The following LINS1 variants were observed in gnomAD, a reference collection of about 807,000 sequenced individuals.
LINS1 encodes protein Lines homolog 1.
LINS1 carries 27 observed loss-of-function variants against 41.6 expected under a neutral mutation model. The observed-to-expected ratio is 0.65, with a 90% CI of 0.48 to 0.89. The LOEUF is 0.89. LINS1 is among the 40% of genes least tolerant of loss of function. LINS1 has a pLI of 0.00. For missense variants in LINS1, 955 were observed against 884.1 expected (o/e 1.08, Z -1.02); for synonymous variants, 336 against 312.9 (o/e 1.07, Z -0.78).
intron 1 of LINS1, among the ~76,000 whole-genome samples, chr15:100,586,507 A>G (rs189357168): frequency 6.6e-6 from 1 of 152,356 alleles, no homozygotes; most frequent in East Asian, 1.9e-4. Context: ...TTATTTATAA[A>G]TGCCCACATC....
At chr15:100,586,065 C>T (rs2141330646) in intron 1 of LINS1, among the ~76,000 whole-genome samples, 1 of 152,284 alleles carries the variant, frequency 6.6e-6, no homozygotes. Context: ...TCACTAAGCT[C>T]AAGGGAAAAT....
Position 100,593,569 on chromosome 15 carries a change from G to GT in LINS1, c.-104+8551_-104+8552insA, listed in dbSNP as rs1567100299. On this transcript the variant is annotated intron_variant, in intron 1 of 6. Coordinates refer to ENST00000314742, the MANE Select transcript of LINS1 (RefSeq NM_001040616.3). Reference sequence around the variant, plus strand: ...AGTTTTACAACTTTATGGGGGGGGGGGGTGCTTAATTATCATACCCATTTT... The same window carrying GT: ...AGTTTTACAACTTTATGGGGGGGGGGTGGTGCTTAATTATCATACCCATTTT... Among the ~76,000 whole-genome samples the GT allele has an allele frequency of 1.9e-4, 26 of 136,944 alleles. 1 individual carries two copies. The highest frequency in any genetic ancestry group is 7.4e-3 in the Middle Eastern group (2 of 270). 89.8% of individuals were successfully genotyped at this position (136,944 alleles called of 152,430 possible).
In LINS1 at chr15:100,571,874, T is replaced by C. The variant is rs750363523; in HGVS notation, c.1394+20A>G. 1 of 1,613,968 alleles carries C rather than the reference T, an allele frequency of 6.2e-7. No individual in the cohort carries two copies. The highest frequency in any genetic ancestry group is 8.5e-7 in the Non-Finnish European group (1 of 1,179,888). Reference sequence around the variant, plus strand: ...TCCTGACTTGTAGGCCGTTCAATAATTACTTTAAAATACACTAACCTGGTC... The same window carrying C: ...TCCTGACTTGTAGGCCGTTCAATAACTACTTTAAAATACACTAACCTGGTC... On this transcript the variant is annotated intron_variant, in intron 6 of 6. Coordinates refer to ENST00000314742, the MANE Select transcript of LINS1 (RefSeq NM_001040616.3).
chr15:100,582,353 C>T (rs1424258535), intron 1 of LINS1, among the ~76,000 whole-genome samples: 2 of 135,418 alleles, frequency 1.5e-5, no homozygotes, highest in African/African-American at 2.8e-5. Flanking sequence ...CCATCTACAA[C>T]ATGGCCCACT....
At chr15:100,591,606 GT>G (rs950955231) in intron 1 of LINS1, among the ~76,000 whole-genome samples, 1 of 152,034 alleles carries the variant, frequency 6.6e-6, no homozygotes. Context: ...ACTAGGTTTT[GT>G]TTTTTTTCCG....
chr15:100,582,257 G>A (rs2038583599), intron 1 of LINS1, among the ~76,000 whole-genome samples: 1 of 147,638 alleles, frequency 6.8e-6, no homozygotes, highest in Admixed American at 6.9e-5. Context: ...CTACACTATG[G>A]CCCACCAGCC....
rs777193881 is a variant in LINS1 at position 100,573,696 on chromosome 15, A to C, written c.1177T>G (p.Leu393Val). 1 of 1,610,958 alleles carries C rather than the reference A, an allele frequency of 6.2e-7. No homozygotes were observed. The highest frequency in any genetic ancestry group is 1.1e-5 in the South Asian group (1 of 90,408). The change falls in exon 5 of 7, where the codon TTA becomes GTA. Residue 393 changes from leucine to valine, a missense_variant. Physicochemically the swap from Leu to Val is conservative, Grantham distance 32. Coordinates refer to ENST00000314742, the MANE Select transcript of LINS1 (RefSeq NM_001040616.3). ...RAASLVIMKS[L>V]EIKFQNYSSA... ...GAATAATTTTGAAACTTGATTTCTA[A>C]GGATTTCATTATAACTAAGCTTGCT...
intron 1 of LINS1, among the ~76,000 whole-genome samples, chr15:100,590,982 C>T (rs1189199048): frequency 6.6e-6 from 1 of 152,008 alleles, no homozygotes; most frequent in Non-Finnish European, 1.5e-5. Flanking sequence ...AGTTTGAGAC[C>T]AGCCTGGCCA....
In LINS1 at chr15:100,573,712, T is replaced by A; in HGVS notation, c.1161A>T (p.Leu387Phe). ...TGATTTCTAAGGATTTCATTATAACTAAGCTTGCTGCTCTAAGGATCACAT... is the reference window on the plus strand; with the variant it reads ...TGATTTCTAAGGATTTCATTATAACAAAGCTTGCTGCTCTAAGGATCACAT... ...PDHVILRAAS[L>F]VIMKSLEIKF... Residue 387 changes from leucine (L) to phenylalanine (F), a missense_variant, in exon 5 of 7, where the codon TTA (leucine) becomes TTT (phenylalanine). Physicochemically the swap from Leu to Phe is conservative, Grantham distance 22. Transcript: ENST00000314742. 6.2e-7 allele frequency: 1 copy of A among 1,612,950 alleles called. No homozygotes were observed. Among genetic ancestry groups the A allele is most frequent in the Non-Finnish European group, 8.5e-7 (1 of 1,179,180 alleles).
intron 3 of LINS1, among the ~76,000 whole-genome samples, chr15:100,579,601 T>C (rs867083117): frequency 6.6e-6 from 1 of 152,216 alleles, no homozygotes; most frequent in Non-Finnish European, 1.5e-5. Context: ...TATCACTTTT[T>C]ATATTCAGAA....
At chr15:100,582,972 C>T (rs1596931227) in intron 1 of LINS1, among the ~76,000 whole-genome samples, 1 of 151,236 alleles carries the variant, frequency 6.6e-6, no homozygotes, top group Middle Eastern at 3.5e-3. Context: ...ACTGGGTCTT[C>T]CATCTACACT....
In LINS1 at chr15:100,569,087, C is replaced by T; in HGVS notation, c.*151G>A. The T allele has an allele frequency of 1.8e-6, 1 of 541,506 alleles. No individual in the cohort carries two copies. Among genetic ancestry groups the T allele is most frequent in the Non-Finnish European group, 3.2e-6 (1 of 313,070 alleles). The allele number at this position is 541,506 out of a possible 1,614,324, so 33.5% of individuals were successfully genotyped here. ...TGCAGTGAGTCGAGTCACGCCACTG[C>T]ACTCCGGCCTGAGCGACAGAATGAG... On this transcript the variant is annotated 3_prime_UTR_variant, in exon 7 of 7. Coordinates refer to ENST00000314742, the MANE Select transcript of LINS1 (RefSeq NM_001040616.3).
At chr15:100,572,332 C>G (rs1596882268) in intron 5 of LINS1, 16 of 1,234,138 alleles carry the variant, frequency 1.3e-5, no homozygotes, top group Non-Finnish European at 1.6e-5. Flanking sequence ...TAACAACTGT[C>G]TCTTAGAAAT....
At chr15:100,582,724 G>C (rs926081621) in intron 1 of LINS1, among the ~76,000 whole-genome samples, 1 of 147,594 alleles carries the variant, frequency 6.8e-6, no homozygotes, top group African/African-American at 2.5e-5. Flanking sequence ...GCCTAGTCTT[G>C]GTCTTATACT....
At chr15:100,579,740 G>A (rs896147179) in intron 3 of LINS1, among the ~76,000 whole-genome samples, 2 of 152,226 alleles carry the variant, frequency 1.3e-5, no homozygotes, top group Admixed American at 6.5e-5. Context: ...ATTATGCTGA[G>A]GACTGTTGTT....
intron 1 of LINS1, among the ~76,000 whole-genome samples, chr15:100,598,957 A>G (rs1487681291): frequency 6.6e-6 from 1 of 152,190 alleles, no homozygotes; most frequent in Admixed American, 6.5e-5. Flanking sequence ...TGACCTTGAC[A>G]CTGACATCAC....
At position 100,571,917 on chromosome 15, in the gene LINS1, C is replaced by T; in HGVS notation, c.1371G>A (p.Leu457=). 2 of 1,614,144 alleles carry T rather than the reference C, an allele frequency of 1.2e-6. No homozygotes were observed. The highest frequency in any genetic ancestry group is 1.7e-6 in the Non-Finnish European group (2 of 1,180,034). The change falls in exon 6 of 7, where the codon CTG becomes CTA. Residue 457 remains leucine, a synonymous_variant. Coordinates refer to ENST00000314742, the MANE Select transcript of LINS1 (RefSeq NM_001040616.3). The stretch of plus-strand genomic sequence containing the variant: ...ACCTGGTCAGTGTTAAGTAGATGCC[C>T]AGTGATGCCTTGGCAGCCTCCAGCA... The part of the protein sequence containing the change: ...DDMLEAAKAS[L]GIYLTLTRGC...
At chr15:100,593,961 G>A (rs2039142938) in intron 1 of LINS1, among the ~76,000 whole-genome samples, 1 of 152,176 alleles carries the variant, frequency 6.6e-6, no homozygotes, top group South Asian at 2.1e-4. Flanking sequence ...ATAGCGATTT[G>A]ACTGAGTTTT....
chr15:100,569,177 C>A lies in LINS1; in HGVS notation c.*61G>T. 2 of 1,099,422 alleles carry A rather than the reference C, an allele frequency of 1.8e-6. No individual in the cohort carries two copies. Among genetic ancestry groups the A allele is most frequent in the Non-Finnish European group, 2.7e-6 (2 of 730,434 alleles). The allele number at this position is 1,099,422 out of a possible 1,614,324, so 68.1% of individuals were successfully genotyped here. The stretch of plus-strand genomic sequence containing the variant: ...TATGGTGATGATTTTATACTATTAC[C>A]TCATTGAGACATAATTTATATTAAG... On this transcript the variant is annotated 3_prime_UTR_variant, in exon 7 of 7. Transcript: ENST00000314742.
Sources: gnomAD v4.1 joint callset for allele counts (sites outside exome capture counted in the v4.1 genomes callset) on GRCh38, gnomAD v4.1.1 for gene constraint, MANE v1.5 for transcripts, NCBI Gene and HGNC (gene_info 2026-07-23, HGNC 2026-07-21) for gene names.